The following DCC variants were observed in gnomAD, a reference collection of about 807,000 sequenced individuals.
DCC encodes the protein netrin receptor DCC.
A neutral mutation model predicts 172.5 loss-of-function variants in DCC; 58 were observed. That is an observed-to-expected ratio of 0.34 (90% CI 0.27 to 0.42). DCC has a LOEUF of 0.42. Among genes scored for constraint, DCC ranks in the 10% least tolerant of loss-of-function variants. The probability of loss-of-function intolerance (pLI) is 1.00; values close to 1 mark genes in which losing one functional copy is unlikely to be tolerated. For missense variants in DCC, 1,740 were observed against 1,791.0 expected (o/e 0.97, Z 0.51); for synonymous variants, 709 against 644.5 (o/e 1.10, Z -1.52).
In DCC at chr18:52,819,304, T is replaced by C. The variant is rs149650321; in HGVS notation, c.412+66930T>C. ...ATCCAGCAATGTCATTTTCCGAGCTTGCAGGGAAAAAAATAAATTAATAAT... is the reference window on the plus strand; with the variant it reads ...ATCCAGCAATGTCATTTTCCGAGCTCGCAGGGAAAAAAATAAATTAATAAT... On this transcript the variant is annotated intron_variant, in intron 2 of 28. Coordinates refer to ENST00000442544, the MANE Select transcript of DCC (RefSeq NM_005215.4). Among the ~76,000 whole-genome samples, 25 of 152,284 alleles carry C rather than the reference T, an allele frequency of 1.6e-4. No homozygotes were observed. In the East Asian group the frequency reaches 4.8e-3, roughly 29 times the overall value.
intron 5 of DCC, among the ~76,000 whole-genome samples, chr18:53,023,559 G>A (rs997769735): frequency 2.0e-5 from 3 of 151,714 alleles, no homozygotes; most frequent in African/African-American, 7.3e-5. Flanking sequence ...CCTGCACATG[G>A]ACCCCCTGAA....
At chr18:52,384,598 G>A (rs982981565) in intron 1 of DCC, among the ~76,000 whole-genome samples, 2 of 152,096 alleles carry the variant, frequency 1.3e-5, no homozygotes, top group African/African-American at 4.8e-5. Context: ...GTGGCGGGGT[G>A]AAGACCCTGT....
chr18:52,465,382 C>T (rs1009019935), intron 1 of DCC, among the ~76,000 whole-genome samples: 2 of 152,120 alleles, frequency 1.3e-5, no homozygotes, highest in African/African-American at 4.8e-5. Flanking sequence ...CCCCGTTTCT[C>T]TTGGGTAAAT....
chr18:52,527,427 T>G (rs2144677248), intron 1 of DCC, among the ~76,000 whole-genome samples: 1 of 152,328 alleles, frequency 6.6e-6, no homozygotes, highest in South Asian at 2.1e-4. Context: ...AATGTTTTAT[T>G]GGTTATGATT....
chr18:52,850,181 C>T (rs571333488), intron 2 of DCC, among the ~76,000 whole-genome samples: 16 of 152,202 alleles, frequency 1.1e-4, no homozygotes, highest in Non-Finnish European at 2.1e-4. Context: ...TGCCCAAGGG[C>T]AGAGCTTAAA....
chr18:53,236,595 G>A (rs2144627510), intron 12 of DCC, among the ~76,000 whole-genome samples: 1 of 152,134 alleles, frequency 6.6e-6, no homozygotes, highest in East Asian at 1.9e-4. Flanking sequence ...TTGATGAGCA[G>A]ATGCTGTTTT....
intron 5 of DCC, among the ~76,000 whole-genome samples, chr18:52,969,005 AAAC>A (rs146523373): frequency 1.8e-4 from 27 of 152,150 alleles, no homozygotes; most frequent in South Asian, 4.2e-4. Flanking sequence ...TTGCATTAAA[AAAC>A]AACAACAACA....
intron 3 of DCC, among the ~76,000 whole-genome samples, chr18:52,922,458 G>T (rs994486334): frequency 3.3e-5 from 5 of 152,072 alleles, no homozygotes; most frequent in African/African-American, 1.2e-4. Context: ...ACCCGATTGG[G>T]TCTGTCCTCA....
intron 5 of DCC, among the ~76,000 whole-genome samples, chr18:52,975,106 A>G (rs1297191619): frequency 6.6e-6 from 1 of 152,184 alleles, no homozygotes; most frequent in Non-Finnish European, 1.5e-5. Context: ...TCCACTTCAT[A>G]TTAGCCTTCT....
intron 1 of DCC, among the ~76,000 whole-genome samples, chr18:52,655,334 T>C (rs2035225410): frequency 6.6e-6 from 1 of 152,174 alleles, no homozygotes; most frequent in South Asian, 2.1e-4. Context: ...TTTAATACTT[T>C]GACAAATTAA....
chr18:53,026,335 A>C (rs527997370), intron 5 of DCC, among the ~76,000 whole-genome samples: 1 of 152,042 alleles, frequency 6.6e-6, no homozygotes, highest in Admixed American at 6.6e-5. Context: ...TGTCTTATCT[A>C]TGTTTCCTCC....
chr18:52,706,644 C>G (rs1364278902), intron 1 of DCC, among the ~76,000 whole-genome samples: 1 of 152,140 alleles, frequency 6.6e-6, no homozygotes, highest in African/African-American at 2.4e-5. Context: ...CCCGAAAATG[C>G]TTTTTACTTT....
intron 2 of DCC, among the ~76,000 whole-genome samples, chr18:52,780,161 C>T (rs2037510442): frequency 6.6e-6 from 1 of 152,058 alleles, no homozygotes; most frequent in South Asian, 2.1e-4. Context: ...TTGCCTGACT[C>T]TTTACATAGT....
At chr18:52,773,295 C>A (rs2037372700) in intron 2 of DCC, among the ~76,000 whole-genome samples, 1 of 152,076 alleles carries the variant, frequency 6.6e-6, no homozygotes, top group Admixed American at 6.6e-5. Context: ...ATGATGAACA[C>A]ATTACAACAA....
intron 12 of DCC, among the ~76,000 whole-genome samples, chr18:53,260,402 T>G (rs1014677476): frequency 2.0e-5 from 3 of 152,208 alleles, no homozygotes; most frequent in Admixed American, 2.0e-4. Context: ...CCTTTCTGTT[T>G]GTTAATTTTC....
intron 22 of DCC, among the ~76,000 whole-genome samples, chr18:53,437,415 C>T (rs532814664): frequency 1.3e-5 from 2 of 151,624 alleles, no homozygotes; most frequent in African/African-American, 2.4e-5. Context: ...CCTGTCTCTA[C>T]TAAAAACACA....
intron 20 of DCC, among the ~76,000 whole-genome samples, chr18:53,412,621 T>A (rs539481779): frequency 1.2e-4 from 18 of 149,240 alleles, no homozygotes; most frequent in African/African-American, 4.4e-4. Context: ...AAGGCTTAGA[T>A]GTCCCGAAGC....
chr18:52,364,116 C>G (rs933561139), intron 1 of DCC, among the ~76,000 whole-genome samples: 2 of 152,200 alleles, frequency 1.3e-5, no homozygotes, highest in African/African-American at 2.4e-5. Context: ...GAATCTCCAC[C>G]ACACTGATGC....
intron 5 of DCC, among the ~76,000 whole-genome samples, chr18:53,018,973 C>T (rs1270686448): frequency 6.6e-6 from 1 of 152,112 alleles, no homozygotes; most frequent in Non-Finnish European, 1.5e-5. Flanking sequence ...CACTAGATTT[C>T]AGAACCAAGG....
Sources: gnomAD v4.1 joint callset for allele counts (sites outside exome capture counted in the v4.1 genomes callset) on GRCh38, gnomAD v4.1.1 for gene constraint, MANE v1.5 for transcripts, NCBI Gene and HGNC (gene_info 2026-07-23, HGNC 2026-07-21) for gene names.